Variants in TAAR5 observed in about 807,000 individuals in gnomAD.
TAAR5 encodes the protein trace amine-associated receptor 5.
A neutral mutation model predicts 21.1 loss-of-function variants in TAAR5; 27 were observed. The ratio of observed to expected loss-of-function variants is 1.28; its 90% CI spans 0.94 to 1.76. TAAR5 has a LOEUF of 1.76. Ranked by LOEUF, TAAR5 falls within the 40% of genes most tolerant of loss-of-function variation. TAAR5 has a pLI of 0.00. For missense variants in TAAR5, 495 were observed against 405.6 expected (o/e 1.22, Z -1.89); for synonymous variants, 203 against 167.5 (o/e 1.21, Z -1.64).
At chr6:132,596,234 C>T in the TAAR5 span, among the ~76,000 whole-genome samples, 24 of 152,238 alleles carry the variant, frequency 1.6e-4, no homozygotes, top group African/African-American at 4.6e-4. Context: ...AAATGTGATA[C>T]GTGTGAGTGC....
rs371261249 is a variant in TAAR5 at position 132,589,735 on chromosome 6, T to C, written c.-49A>G. 3 of 200,008 alleles carry C rather than the reference T, an allele frequency of 1.5e-5. No homozygotes were observed. Among genetic ancestry groups the C allele is most frequent in the Non-Finnish European group, 2.6e-5 (3 of 116,842 alleles). 12.4% of individuals were successfully genotyped at this position (200,008 alleles called of 1,614,324 possible). ...TCTGAGAACTGGCCACCTTCTCCAC[T>C]GGAGGGCAAAAAAAAAAAAAAAAAA... is the stretch of plus-strand genomic sequence containing the variant. On this transcript the variant is annotated 5_prime_UTR_variant, in exon 1 of 1. Coordinates refer to ENST00000258034, the MANE Select transcript of TAAR5 (RefSeq NM_003967.3).
At chr6:132,607,213 A>G in the TAAR5 span, among the ~76,000 whole-genome samples, 1 of 151,976 alleles carries the variant, frequency 6.6e-6, no homozygotes. Context: ...ACATACAAAA[A>G]ACTTTAAAAT....
chr6:132,601,428 A>G, the TAAR5 span, among the ~76,000 whole-genome samples: 4 of 152,322 alleles, frequency 2.6e-5, no homozygotes, highest in African/African-American at 4.8e-5. Flanking sequence ...CTAGCTTACC[A>G]TTGTGTTCTG....
the TAAR5 span, among the ~76,000 whole-genome samples, chr6:132,614,387 C>G: frequency 6.6e-6 from 1 of 152,168 alleles, no homozygotes; most frequent in Non-Finnish European, 1.5e-5. Flanking sequence ...AAATTTAAGA[C>G]CTTTTACCAG....
chr6:132,607,798 T>C, the TAAR5 span, among the ~76,000 whole-genome samples: 3 of 152,204 alleles, frequency 2.0e-5, no homozygotes, highest in Admixed American at 2.0e-4. Flanking sequence ...TAGTTGTTAA[T>C]AGAGGTCAAC....
At chr6:132,601,589 C>T in the TAAR5 span, among the ~76,000 whole-genome samples, 86,483 of 151,984 alleles carry the variant, frequency 0.57, 26,246 homozygotes, top group African/African-American at 0.8. Context: ...CATAAAGAAA[C>T]ATGTTTGTGG....
chr6:132,590,066 G>A (rs187617919), upstream of TAAR5, among the ~76,000 whole-genome samples: 44 of 152,228 alleles, frequency 2.9e-4, 1 homozygote, highest in Non-Finnish European at 4.6e-4. Flanking sequence ...AATAGAGAAT[G>A]TCTCTTACGT....
At chr6:132,602,779 C>CAAAAAAAAAAAAAAAAAAAAAAAAAAAAA in the TAAR5 span, among the ~76,000 whole-genome samples, 1 of 95,948 alleles carries the variant, frequency 1.0e-5, no homozygotes, top group African/African-American at 3.9e-5. Flanking sequence ...CTTTAGAAGT[C>CAAAAAAAAAAAAAAAAAAAAAAAAAAAAA]AAAAAAAAAA....
chr6:132,609,855 T>C, the TAAR5 span, among the ~76,000 whole-genome samples: 2 of 152,202 alleles, frequency 1.3e-5, no homozygotes, highest in Non-Finnish European at 2.9e-5. Context: ...CCATGAAACA[T>C]GGCTGTTGAA....
At chr6:132,607,059 A>G in the TAAR5 span, among the ~76,000 whole-genome samples, 29 of 152,048 alleles carry the variant, frequency 1.9e-4, no homozygotes, top group African/African-American at 6.7e-4. Flanking sequence ...GCCGGGTGTG[A>G]TGGCACACAC....
the TAAR5 span, among the ~76,000 whole-genome samples, chr6:132,599,431 T>G: frequency 2.7e-5 from 4 of 150,284 alleles, no homozygotes; most frequent in African/African-American, 4.9e-5. Context: ...TGGGTTCAAG[T>G]GATTCTCTTG....
chr6:132,596,612 T>C, the TAAR5 span, among the ~76,000 whole-genome samples: 1 of 152,230 alleles, frequency 6.6e-6, no homozygotes, highest in African/African-American at 2.4e-5. Flanking sequence ...TTATGACATG[T>C]TTTATTTGCT....
chr6:132,604,588 A>T, the TAAR5 span, among the ~76,000 whole-genome samples: 8 of 152,174 alleles, frequency 5.3e-5, no homozygotes, highest in Non-Finnish European at 1.0e-4. Flanking sequence ...CTAACTGAGG[A>T]GGCAATGATT....
chr6:132,615,855 A>T, the TAAR5 span, among the ~76,000 whole-genome samples: 1 of 142,590 alleles, frequency 7.0e-6, no homozygotes, highest in African/African-American at 2.5e-5. Context: ...TTTCAGTGAA[A>T]CACAGTTCAC....
At chr6:132,597,443 T>C in the TAAR5 span, among the ~76,000 whole-genome samples, 71,936 of 152,042 alleles carry the variant, frequency 0.47, 17,520 homozygotes, top group African/African-American at 0.58. Context: ...CTGGCTTGCT[T>C]GTTTGCTAAA....
At chr6:132,605,248 T>A in the TAAR5 span, among the ~76,000 whole-genome samples, 1 of 152,110 alleles carries the variant, frequency 6.6e-6, no homozygotes, top group African/African-American at 2.4e-5. Flanking sequence ...CAACGCCAGA[T>A]AACTGCAGAA....
At chr6:132,596,395 A>C in the TAAR5 span, among the ~76,000 whole-genome samples, 1 of 152,304 alleles carries the variant, frequency 6.6e-6, no homozygotes, top group South Asian at 2.1e-4. Context: ...AATGCGATCT[A>C]AGGCCAATTG....
the TAAR5 span, among the ~76,000 whole-genome samples, chr6:132,598,316 T>A: frequency 6.6e-6 from 1 of 152,236 alleles, no homozygotes; most frequent in African/African-American, 2.4e-5. Context: ...CCCAGATTTA[T>A]TTTTATGGGT....
chr6:132,615,854 A>AAC, the TAAR5 span, among the ~76,000 whole-genome samples: 2 of 149,802 alleles, frequency 1.3e-5, no homozygotes, highest in African/African-American at 5.0e-5. Context: ...ATTTCAGTGA[A>AAC]ACACAGTTCA....
Sources: gnomAD v4.1 joint callset for allele counts (sites outside exome capture counted in the v4.1 genomes callset) on GRCh38, gnomAD v4.1.1 for gene constraint, MANE v1.5 for transcripts, NCBI Gene and HGNC (gene_info 2026-07-23, HGNC 2026-07-21) for gene names.